The following KHDRBS2 variants were observed in gnomAD, a reference collection of about 807,000 sequenced individuals.
The protein encoded by KHDRBS2 is KH domain-containing, RNA-binding, signal transduction-associated protein 2.
KHDRBS2 carries 26 observed loss-of-function variants against 44.3 expected under a neutral mutation model. The observed-to-expected ratio is 0.59, with a 90% CI of 0.43 to 0.81. KHDRBS2 has a LOEUF of 0.81. KHDRBS2 is among the 40% of genes least tolerant of loss of function. The pLI, the probability that KHDRBS2 is intolerant of heterozygous loss-of-function variation, is 0.00. For missense variants in KHDRBS2, 476 were observed against 433.1 expected (o/e 1.10, Z -0.88); for synonymous variants, 194 against 151.1 (o/e 1.28, Z -2.08).
chr6:61,797,349 T>C (rs1466544342), intron 6 of KHDRBS2, among the ~76,000 whole-genome samples: 1 of 152,098 alleles, frequency 6.6e-6, no homozygotes, highest in Non-Finnish European at 1.5e-5. Context: ...CACAAGCCAG[T>C]AAGGTAGGTA....
chr6:62,239,092 A>G (rs1357103035), intron 1 of KHDRBS2, among the ~76,000 whole-genome samples: 1 of 152,204 alleles, frequency 6.6e-6, no homozygotes, highest in Non-Finnish European at 1.5e-5. Context: ...ATTTTTAAAA[A>G]TGGACTATGT....
intron 1 of KHDRBS2, among the ~76,000 whole-genome samples, chr6:62,185,388 A>T (rs373588191): frequency 2.6e-5 from 4 of 151,952 alleles, no homozygotes; most frequent in Admixed American, 1.3e-4. Flanking sequence ...AGATGGTCCT[A>T]AGTCATGGAT....
In KHDRBS2 at chr6:61,698,683, C is replaced by A. The variant is rs144438456; in HGVS notation, c.894-1430G>T. Among the ~76,000 whole-genome samples, 850 of 152,094 alleles carry A rather than the reference C, an allele frequency of 5.6e-3. 11 individuals carry two copies. Among genetic ancestry groups the A allele is most frequent in the African/African-American group, 0.019 (798 of 41,512 alleles). On this transcript the variant is annotated intron_variant, in intron 7 of 8. Transcript: ENST00000281156. ...TATTTTGCTTACACCATTTGTCCCC[C>A]CCTTGTATTTCTCAGACCTCATGCT...
At position 61,948,685 on chromosome 6, in the gene KHDRBS2, A is replaced by ATTATTG. The variant is rs1554286419; in HGVS notation, c.483+29380_483+29381insCAATAA. Among the ~76,000 whole-genome samples, 53 of 148,014 alleles carry ATTATTG rather than the reference A, an allele frequency of 3.6e-4. No homozygotes were observed. In the East Asian group the frequency reaches 7.7e-3, roughly 21 times the overall value. Reference sequence around the variant, plus strand: ...TATTATTATTATTATTATTATTATTATTATTATTTTAGAGATGAGGTCTTG... The same window carrying ATTATTG: ...TATTATTATTATTATTATTATTATTATTATTGTTATTATTTTAGAGATGAGGTCTTG... On this transcript the variant is annotated intron_variant, in intron 4 of 8. Transcript: ENST00000281156.
At chr6:62,060,609 G>C (rs866051107) in intron 2 of KHDRBS2, among the ~76,000 whole-genome samples, 11 of 147,892 alleles carry the variant, frequency 7.4e-5, no homozygotes, top group South Asian at 2.1e-4. Flanking sequence ...CTCTCTCTCT[G>C]TCTCTCTCTC....
the KHDRBS2 span, among the ~76,000 whole-genome samples, chr6:61,602,121 C>T: frequency 2.0e-5 from 3 of 152,134 alleles, no homozygotes; most frequent in Admixed American, 2.0e-4. Flanking sequence ...CCAGTCTGCT[C>T]CCAATATTAA....
chr6:61,630,620 T>C, the KHDRBS2 span: 27 of 152,178 alleles, frequency 1.8e-4, no homozygotes, highest in African/African-American at 6.5e-4. Flanking sequence ...AATTCCCAAA[T>C]GATGCCTGAA....
intron 6 of KHDRBS2, among the ~76,000 whole-genome samples, chr6:61,878,819 A>T (rs9345655): frequency 0.85 from 128,845 of 151,952 alleles, 55,192 homozygotes; most frequent in African/African-American, 0.95. Flanking sequence ...TTTGAGCATA[A>T]TACTTAACCT....
chr6:62,137,721 A>G (rs573518334), intron 2 of KHDRBS2, among the ~76,000 whole-genome samples: 1 of 152,166 alleles, frequency 6.6e-6, no homozygotes, highest in Non-Finnish European at 1.5e-5. Context: ...AATGTTGTCT[A>G]CTAATTTCCC....
rs577192061 is a variant in KHDRBS2 at position 62,092,825 on chromosome 6, A to C, written c.220-44831T>G. ...AGGTTAAATTAGCAATTAATATGTA[A>C]GCCATATGAATCCTGGATAAGGAAG... On this transcript the variant is annotated intron_variant, in intron 2 of 8. Coordinates refer to ENST00000281156, the MANE Select transcript of KHDRBS2 (RefSeq NM_152688.4). Among the ~76,000 whole-genome samples the C allele has an allele frequency of 5.3e-5, 8 of 152,264 alleles. No homozygotes were observed. In the South Asian group the frequency reaches 6.2e-4, roughly 12 times the overall value.
At chr6:62,199,126 G>C (rs1455458947) in intron 1 of KHDRBS2, among the ~76,000 whole-genome samples, 1 of 152,028 alleles carries the variant, frequency 6.6e-6, no homozygotes, top group Admixed American at 6.6e-5. Flanking sequence ...CCCACAATCA[G>C]TATCATATTG....
At chr6:61,582,400 A>G in the KHDRBS2 span, among the ~76,000 whole-genome samples, 1 of 146,192 alleles carries the variant, frequency 6.8e-6, no homozygotes, top group Non-Finnish European at 1.5e-5. Context: ...ATTCCAGAAA[A>G]CTATAAAAAT....
At chr6:61,597,065 G>T in the KHDRBS2 span, among the ~76,000 whole-genome samples, 1 of 152,132 alleles carries the variant, frequency 6.6e-6, no homozygotes, top group Non-Finnish European at 1.5e-5. Flanking sequence ...GAACGGCATA[G>T]GTAAAGGCCT....
intron 2 of KHDRBS2, among the ~76,000 whole-genome samples, chr6:62,116,181 T>C: frequency 6.6e-6 from 1 of 152,138 alleles, no homozygotes; most frequent in East Asian, 1.9e-4. Flanking sequence ...TTACCCCAAA[T>C]ATGTATTATT....
the KHDRBS2 span, among the ~76,000 whole-genome samples, chr6:61,561,977 T>C: frequency 6.6e-6 from 1 of 152,146 alleles, no homozygotes; most frequent in Non-Finnish European, 1.5e-5. Context: ...CTGCTTCACA[T>C]ATGTCTTCAC....
At chr6:61,991,373 C>A (rs537948255) in intron 3 of KHDRBS2, among the ~76,000 whole-genome samples, 3 of 152,078 alleles carry the variant, frequency 2.0e-5, no homozygotes, top group Admixed American at 6.5e-5. Context: ...GTAGTTGGGT[C>A]CTGTTTTCTA....
chr6:62,061,558 G>A (rs1340742842), intron 2 of KHDRBS2, among the ~76,000 whole-genome samples: 1 of 149,182 alleles, frequency 6.7e-6, no homozygotes, highest in Admixed American at 6.7e-5. Context: ...TAGTCTGATG[G>A]GCTTCCCTTT....
chr6:61,976,850 G>A (rs1772779972), intron 4 of KHDRBS2, among the ~76,000 whole-genome samples: 1 of 152,034 alleles, frequency 6.6e-6, no homozygotes, highest in South Asian at 2.1e-4. Flanking sequence ...TAGTTTGGAG[G>A]CAAAAGGAAA....
At chr6:61,897,847 C>G (rs1291204391) in intron 5 of KHDRBS2, among the ~76,000 whole-genome samples, 1 of 152,094 alleles carries the variant, frequency 6.6e-6, no homozygotes, top group Non-Finnish European at 1.5e-5. Flanking sequence ...TGTATTCGTT[C>G]TCAACGTGGT....
Sources: gnomAD v4.1 joint callset for allele counts (sites outside exome capture counted in the v4.1 genomes callset) on GRCh38, gnomAD v4.1.1 for gene constraint, MANE v1.5 for transcripts, NCBI Gene and HGNC (gene_info 2026-07-23, HGNC 2026-07-21) for gene names.